Variants in TTC12 observed in about 807,000 individuals in gnomAD.
The protein encoded by TTC12 is tetratricopeptide repeat domain 12, also known as tetratricopeptide repeat protein 12.
In TTC12, 70 loss-of-function variants were observed where a neutral mutation model predicts 90.1. The observed-to-expected ratio is 0.78, with a 90% CI of 0.64 to 0.95. The LOEUF (loss-of-function observed/expected upper bound fraction) is 0.95. TTC12 is among the 40% of genes least tolerant of loss of function. The pLI is 0.00. For missense variants in TTC12, 819 were observed against 846.1 expected (o/e 0.97, Z 0.40); for synonymous variants, 296 against 311.5 (o/e 0.95, Z 0.53).
intron 2 of TTC12, 59 bp from the exon 3 acceptor site, chr11:113,323,229 A>G: frequency 7.5e-7 from 1 of 1,330,208 alleles, no homozygotes; most frequent in Non-Finnish European, 9.9e-7. Flanking sequence ...CATCCTTTCT[A>G]GTGAATAGAG....
At chr11:113,352,340 T>A (rs1555150722) in intron 16 of TTC12, 133 bp downstream of exon 16, 2 of 1,105,496 alleles carry the variant, frequency 1.8e-6, no homozygotes, top group Non-Finnish European at 1.3e-6. Context: ...ATCCCTTCTG[T>A]AACCACGGAT....
At chr11:113,327,351 G>A (rs1460130870) in intron 6 of TTC12, among the ~76,000 whole-genome samples, 5 of 152,294 alleles carry the variant, frequency 3.3e-5, no homozygotes, top group African/African-American at 4.8e-5. Flanking sequence ...GTTACAAACC[G>A]TTTGAACCAT....
chr11:113,328,023 A>G (rs1555141560), intron 6 of TTC12, among the ~76,000 whole-genome samples: 1 of 152,162 alleles, frequency 6.6e-6, no homozygotes, highest in East Asian at 1.9e-4. Flanking sequence ...CATTGACCCC[A>G]CAATTGGCTT....
In TTC12 at chr11:113,363,908, A is replaced by G; in HGVS notation, c.1797A>G (p.Glu599=). The G allele has an allele frequency of 6.2e-7, 1 of 1,613,098 alleles. No homozygotes were observed. Among genetic ancestry groups the G allele is most frequent in the Non-Finnish European group, 8.5e-7 (1 of 1,179,010 alleles). Residue 599 remains glutamate (E), a synonymous_variant, in exon 20 of 22, where the codon GAA becomes GAG. Coordinates refer to ENST00000529221, the MANE Select transcript of TTC12 (RefSeq NM_017868.4). The part of the protein sequence containing the change: ...CTNSYHEARE[E]VIRLDKKLSV... ...ATAGTTATCATGAAGCTCGGGAAGA[A>G]GTAATAAGACTGGATAAAAGTAAGT...
rs781848575 is a variant in TTC12, at chr11:113,324,621, T to C, written c.261T>C (p.Ser87=). Residue 87 remains serine (S), a synonymous_variant, in exon 5 of 22, where the codon TCT becomes TCC. Transcript: ENST00000529221. ...EEINSEAFLA[S]VEKDAKERAK... The stretch of plus-strand genomic sequence containing the variant: ...TGCTGTCAGAGGCCTTCTTGGCATC[T>C]GTGGAGAAGGATGCAAAGGAACGAG... 2.5e-6 allele frequency: 4 copies of C among 1,613,714 alleles called. No homozygotes were observed. The highest frequency in any genetic ancestry group is 1.6e-4 in the Middle Eastern group (1 of 6,084).
At chr11:113,325,811 C>G (rs556919484) in intron 6 of TTC12, 166 bp downstream of exon 6, 2 of 803,754 alleles carry the variant, frequency 2.5e-6, no homozygotes, top group East Asian at 5.4e-5. Context: ...TTACCAGTTT[C>G]CATGATGCAA....
At chr11:113,315,495 A>G (rs1353640912) in intron 1 of TTC12, among the ~76,000 whole-genome samples, 2 of 152,192 alleles carry the variant, frequency 1.3e-5, no homozygotes, top group Non-Finnish European at 1.5e-5. Context: ...TTTAAAATCT[A>G]TATTCGTGTC....
Position 113,359,653 on chromosome 11 carries a change from T to C in TTC12, c.1545+192T>C, listed in dbSNP as rs374154909. The stretch of plus-strand genomic sequence containing the variant: ...GGATGGATGGATCACCACTCAGTCA[T>C]GTATTCACTCAGAAAACAGACTGGG... On this transcript the variant is annotated intron_variant, in intron 17 of 21. Transcript: ENST00000529221. Among the ~76,000 whole-genome samples the C allele has an allele frequency of 9.8e-5, 15 of 152,304 alleles. No homozygotes were observed. In the South Asian group the frequency reaches 1.0e-3, roughly 11 times the overall value.
intron 13 of TTC12, among the ~76,000 whole-genome samples, chr11:113,347,662 A>G (rs1226356559): frequency 1.3e-5 from 2 of 152,178 alleles, no homozygotes; most frequent in African/African-American, 2.4e-5. Flanking sequence ...AGTACTTTAG[A>G]TATCTGAAAA....
intron 14 of TTC12, 148 bp downstream of exon 14, chr11:113,350,313 C>G (rs782065609): frequency 9.6e-6 from 6 of 626,802 alleles, no homozygotes; most frequent in Non-Finnish European, 1.6e-5. Context: ...CTGATGCCTC[C>G]CAGGGGGCTG....
intron 12 of TTC12, among the ~76,000 whole-genome samples, chr11:113,343,019 G>A (rs1288878446): frequency 6.6e-6 from 1 of 152,118 alleles, no homozygotes; most frequent in African/African-American, 2.4e-5. Flanking sequence ...AATATTTTCA[G>A]ATACCTGTGA....
intron 10 of TTC12, among the ~76,000 whole-genome samples, chr11:113,339,740 C>T (rs1555145453): frequency 6.6e-6 from 1 of 152,162 alleles, no homozygotes; most frequent in Admixed American, 6.5e-5. Context: ...TCGATATATA[C>T]TTACATACAC....
At chr11:113,316,976 C>G (rs1555135968) in intron 2 of TTC12, among the ~76,000 whole-genome samples, 2 of 152,204 alleles carry the variant, frequency 1.3e-5, no homozygotes, top group Non-Finnish European at 2.9e-5. Context: ...AGGCAATATG[C>G]TGAAATTGCT....
intron 16 of TTC12, among the ~76,000 whole-genome samples, chr11:113,358,587 C>T (rs1272520459): frequency 1.3e-5 from 2 of 152,098 alleles, no homozygotes; most frequent in Non-Finnish European, 2.9e-5. Context: ...CTGATGATTC[C>T]CCGAGGGCTA....
intron 21 of TTC12, chr11:113,371,646 C>CTAA (rs1383746132): frequency 1.3e-5 from 2 of 152,144 alleles, no homozygotes; most frequent in Admixed American, 6.6e-5. Flanking sequence ...ACCCTCTGAA[C>CTAA]TAATGGTCCA....
chr11:113,323,646 G>A (rs1181094269), intron 3 of TTC12, among the ~76,000 whole-genome samples, 195 bp downstream of exon 3: 1 of 151,732 alleles, frequency 6.6e-6, no homozygotes, highest in Non-Finnish European at 1.5e-5. Context: ...CAACCCTTTG[G>A]ATCTATTTTA....
intron 15 of TTC12, 49 bp from the exon 16 acceptor site, chr11:113,352,021 A>G (rs1555150446): frequency 2.5e-6 from 4 of 1,598,296 alleles, no homozygotes; most frequent in Non-Finnish European, 3.4e-6. Flanking sequence ...ATCATGCGGC[A>G]TCCTTTGCCT....
chr11:113,319,262 A>G (rs1269930265), intron 2 of TTC12, among the ~76,000 whole-genome samples: 1 of 152,182 alleles, frequency 6.6e-6, no homozygotes, highest in Non-Finnish European at 1.5e-5. Context: ...AAACTCATAG[A>G]ATGTCAAGGT....
At chr11:113,337,991 TA>T (rs1948466340) in intron 8 of TTC12, among the ~76,000 whole-genome samples, 1 of 152,234 alleles carries the variant, frequency 6.6e-6, no homozygotes, top group African/African-American at 2.4e-5. Context: ...TTTAATGTGT[TA>T]TTGTTTTCCT....
Sources: allele counts gnomAD v4.1 joint callset (sites outside exome capture counted in the v4.1 genomes callset), GRCh38; gene constraint gnomAD v4.1.1; transcripts MANE v1.5; gene names NCBI Gene and HGNC (gene_info 2026-07-23, HGNC 2026-07-21).